MGAT3: variants seen among roughly 807,000 people sequenced by gnomAD.
MGAT3 encodes GlcNAc-T III.
In MGAT3, 9 loss-of-function variants were observed where a neutral mutation model predicts 29.8. The observed-to-expected ratio is 0.30, with a 90% CI of 0.18 to 0.53. The LOEUF is 0.53. Ranked by LOEUF, MGAT3 falls within the 20% of genes least tolerant of loss-of-function variation. MGAT3 has a pLI of 0.96. For missense variants in MGAT3, 557 were observed against 769.5 expected (o/e 0.72, Z 3.27); for synonymous variants, 397 against 348.9 (o/e 1.14, Z -1.54).
At position 39,487,572 on chromosome 22, in the gene MGAT3, C is replaced by T; in HGVS notation, c.225C>T (p.Tyr75=). The change falls in exon 2 of 2, where the codon TAC becomes TAT. Residue 75 remains tyrosine, a synonymous_variant. Coordinates refer to ENST00000341184, the MANE Select transcript of MGAT3 (RefSeq NM_002409.5). This position sits in a 1 kb window ranked among gnomAD's most constrained non-coding sequence, Gnocchi z 5.7. ...CTGACCTGCTGCGTACCCCACTCTA[C>T]TCCCACTCGCCCCTGCTGCAGCCGC... ...GGPDLLRTPL[Y]SHSPLLQPLP... is the part of the protein sequence containing the mutation. 2 of 1,612,366 alleles carry T rather than the reference C, an allele frequency of 1.2e-6. No individual in the cohort carries two copies. Among genetic ancestry groups the T allele is most frequent in the Non-Finnish European group, 1.7e-6 (2 of 1,179,788 alleles).
In MGAT3 at chr22:39,488,892, C is replaced by A. The variant is rs755071218; in HGVS notation, c.1545C>A (p.His515Gln). The stretch of plus-strand genomic sequence containing the variant: ...GCACGGCGGCGGGCGGGTGGCGCCA[C>A]AGGGGTCCCGAGGGAAGGCCGCCCG... ...PRSTAAGGWR[H>Q]RGPEGRPPAR... The change falls in exon 2 of 2, where the codon CAC becomes CAA. Residue 515 changes from histidine to glutamine, a missense_variant. Around this residue, in one of 3 missense-constraint regions of MGAT3, gnomAD observed 102 missense variants for 97.0 expected, o/e 1.05. Transcript: ENST00000341184. 6.2e-7 allele frequency: 1 copy of A among 1,600,578 alleles called. No individual in the cohort carries two copies. Among genetic ancestry groups the A allele is most frequent in the East Asian group, 2.3e-5 (1 of 44,208 alleles).
Position 39,487,796 on chromosome 22 carries a change from G to C in MGAT3, c.449G>C (p.Arg150Pro), listed in dbSNP as rs764802791. 17 of 1,495,092 alleles carry C rather than the reference G, an allele frequency of 1.1e-5. No individual in the cohort carries two copies. Among genetic ancestry groups the C allele is most frequent in the Non-Finnish European group, 1.5e-5 (17 of 1,125,144 alleles). The allele number at this position is 1,495,092 out of a possible 1,614,324, so 92.6% of individuals were successfully genotyped here. Reference sequence around the variant, plus strand: ...GGCTCCTCGGCCCGGCGGCCACCCCGGTACCTCCTGAGCGCCCGGGAGCGC... The same window carrying C: ...GGCTCCTCGGCCCGGCGGCCACCCCCGTACCTCCTGAGCGCCCGGGAGCGC... Reference protein sequence around the residue: ...ANGSSARRPPRYLLSARERTG... With the variant: ...ANGSSARRPPPYLLSARERTG... The change falls in exon 2 of 2, where the codon CGG becomes CCG. Residue 150 changes from arginine (R) to proline (P), a missense_variant. Physicochemically the swap from Arg to Pro is moderately radical, Grantham distance 103 (BLOSUM62 -2). Around this residue, in one of 3 missense-constraint regions of MGAT3, gnomAD observed 212 missense variants for 228.5 expected, o/e 0.93. Coordinates refer to ENST00000341184, the MANE Select transcript of MGAT3 (RefSeq NM_002409.5). This position sits in a 1 kb window ranked among gnomAD's most constrained non-coding sequence, Gnocchi z 5.7.
intron 1 of MGAT3, among the ~76,000 whole-genome samples, chr22:39,475,387 G>A (rs933214468): frequency 6.6e-6 from 1 of 151,988 alleles, no homozygotes; most frequent in Non-Finnish European, 1.5e-5. Context: ...GGATGTGTCT[G>A]TACATCTGTG....
rs879126555 is a variant in MGAT3, at chr22:39,488,502, G to A, written c.1155G>A (p.Gln385=). The A allele has an allele frequency of 1.2e-6, 2 of 1,613,210 alleles. No homozygotes were observed. The highest frequency in any genetic ancestry group is 1.1e-5 in the South Asian group (1 of 91,090). ...GLDGIRLRRR[Q]YYTMPNFRQY... Reference sequence around the variant, plus strand: ...ACGGCATCCGCCTGCGCCGCCGCCAGTACTACACCATGCCCAACTTCAGAC... The same window carrying A: ...ACGGCATCCGCCTGCGCCGCCGCCAATACTACACCATGCCCAACTTCAGAC... The change falls in exon 2 of 2, where the codon CAG becomes CAA. Residue 385 remains glutamine, a synonymous_variant. Transcript: ENST00000341184.
At chr22:39,477,299 T>G (rs1399787021) in intron 1 of MGAT3, among the ~76,000 whole-genome samples, 3 of 152,220 alleles carry the variant, frequency 2.0e-5, no homozygotes, top group Non-Finnish European at 4.4e-5. Context: ...TCTGCAGGCC[T>G]CGGCTGGGCC....
Position 39,457,920 on chromosome 22 carries a change from C to T in MGAT3, c.-2+363C>T, listed in dbSNP as rs568369662. On this transcript the variant is annotated intron_variant, in intron 1 of 1. Coordinates refer to ENST00000341184, the MANE Select transcript of MGAT3 (RefSeq NM_002409.5). This position sits in a 1 kb window ranked among gnomAD's most constrained non-coding sequence, Gnocchi z 6.8. ...GCACCCCCCAGCCTCCGGCGCGGCT[C>T]CCCCACAACCTCCGGCGCGGCGCGG... is the stretch of plus-strand genomic sequence containing the variant. 2.6e-5 allele frequency among the ~76,000 whole-genome samples: 4 copies of T among 151,584 alleles called. No individual in the cohort carries two copies. The highest frequency in any genetic ancestry group is 6.6e-5 in the Admixed American group (1 of 15,238).
At chr22:39,483,349 C>T (rs575977242) in intron 1 of MGAT3, among the ~76,000 whole-genome samples, 10 of 152,180 alleles carry the variant, frequency 6.6e-5, no homozygotes, top group South Asian at 4.1e-4. Context: ...ACAAAATTAG[C>T]CGGTGTAGTG....
At chr22:39,469,663 A>C (rs558802799) in intron 1 of MGAT3, among the ~76,000 whole-genome samples, 1 of 152,326 alleles carries the variant, frequency 6.6e-6, no homozygotes, top group East Asian at 1.9e-4. Context: ...AAAGTCCCCA[A>C]TGCTAGAGAA....
chr22:39,474,128 G>A (rs940177456), intron 1 of MGAT3, among the ~76,000 whole-genome samples: 25 of 152,162 alleles, frequency 1.6e-4, no homozygotes, highest in Non-Finnish European at 3.2e-4. Context: ...TGGCCTTGCA[G>A]GGAACTCTGG....
At chr22:39,472,058 C>G (rs913453797) in intron 1 of MGAT3, among the ~76,000 whole-genome samples, 12 of 152,040 alleles carry the variant, frequency 7.9e-5, no homozygotes, top group Non-Finnish European at 4.4e-5. Flanking sequence ...AGCCTCCTTC[C>G]AGGGTAGGGT....
At chr22:39,458,405 C>T (rs990911751) in intron 1 of MGAT3, among the ~76,000 whole-genome samples, 1 of 152,128 alleles carries the variant, frequency 6.6e-6, no homozygotes, top group South Asian at 2.1e-4. Context: ...CAGTGGGATT[C>T]CTCCCTGGTT....
At chr22:39,470,601 G>A (rs2145715449) in intron 1 of MGAT3, among the ~76,000 whole-genome samples, 1 of 152,318 alleles carries the variant, frequency 6.6e-6, no homozygotes, top group Non-Finnish European at 1.5e-5. Flanking sequence ...CAGGAGGGAA[G>A]CTAGTGAGGA....
intron 1 of MGAT3, among the ~76,000 whole-genome samples, chr22:39,477,230 C>T (rs1351956104): frequency 6.6e-6 from 1 of 152,220 alleles, no homozygotes; most frequent in Non-Finnish European, 1.5e-5. Flanking sequence ...AGGCACTGGC[C>T]TGGGGTGAAG....
chr22:39,478,686 G>A (rs1929039646), intron 1 of MGAT3, among the ~76,000 whole-genome samples: 2 of 152,178 alleles, frequency 1.3e-5, no homozygotes, highest in South Asian at 4.1e-4. Context: ...GCTGCTACCT[G>A]CCTGGCCAGC....
At chr22:39,462,494 T>C (rs1928526709) in intron 1 of MGAT3, among the ~76,000 whole-genome samples, 1 of 152,228 alleles carries the variant, frequency 6.6e-6, no homozygotes, top group Non-Finnish European at 1.5e-5. Flanking sequence ...TCTCCATCCC[T>C]GATGGAAGGG....
In MGAT3 at chr22:39,489,825, G is replaced by C. The variant is rs546623361; in HGVS notation, c.*876G>C. 6.0e-6 allele frequency: 1 copy of C among 167,442 alleles called. No homozygotes were observed. The allele number at this position is 167,442 out of a possible 1,614,324, so 10.4% of individuals were successfully genotyped here. A position where few individuals can be genotyped will look rare whatever the true frequency, so the allele number is the denominator to read the frequency against. On this transcript the variant is annotated 3_prime_UTR_variant, in exon 2 of 2. Coordinates refer to ENST00000341184, the MANE Select transcript of MGAT3 (RefSeq NM_002409.5). ...GAAGACTGACATGAGTCCTCTGCAC[G>C]GATCCGTCTCTCCCTCCCCATCACC...
At chr22:39,459,358 G>T (rs968863199) in intron 1 of MGAT3, among the ~76,000 whole-genome samples, 7 of 152,136 alleles carry the variant, frequency 4.6e-5, no homozygotes, top group Admixed American at 4.6e-4. Context: ...ACAGGCGTGA[G>T]CCACCTCGCC....
chr22:39,483,934 G>A (rs1929197504), intron 1 of MGAT3, among the ~76,000 whole-genome samples: 1 of 152,198 alleles, frequency 6.6e-6, no homozygotes, highest in East Asian at 1.9e-4. Flanking sequence ...CTGGAGGAGG[G>A]ATATCTGAGC....
chr22:39,487,503 C>A lies in MGAT3; in HGVS notation c.156C>A (p.Asn52Lys). 6.2e-7 allele frequency: 1 copy of A among 1,613,502 alleles called. No homozygotes were observed. Among genetic ancestry groups the A allele is most frequent in the Non-Finnish European group, 8.5e-7 (1 of 1,179,980 alleles). Residue 52 changes from asparagine (N) to lysine (K), a missense_variant, in exon 2 of 2, where the codon AAC (asparagine) becomes AAA (lysine). Transcript: ENST00000341184. The surrounding 1 kb of genome is among the most constrained non-coding windows in gnomAD (Gnocchi z 5.7). ...SPNLVSSFFW[N>K]NAPVTPQASP... ...ACCTGGTGTCCAGCTTTTTCTGGAACAATGCCCCGGTCACGCCCCAGGCCA... is the reference window on the plus strand; with the variant it reads ...ACCTGGTGTCCAGCTTTTTCTGGAAAAATGCCCCGGTCACGCCCCAGGCCA...
Sources: allele counts gnomAD v4.1 joint callset (sites outside exome capture counted in the v4.1 genomes callset), GRCh38; gene constraint gnomAD v4.1.1; regional missense constraint gnomAD v4.1.1; non-coding constraint Gnocchi (gnomAD v3.1); transcripts MANE v1.5; gene names NCBI Gene and HGNC (gene_info 2026-07-23, HGNC 2026-07-21).